The following RUFY1 variants were observed in gnomAD, a reference collection of about 807,000 sequenced individuals.
The protein encoded by RUFY1 is RUN and FYVE domain containing 1.
In RUFY1, 54 loss-of-function variants were observed where a neutral mutation model predicts 94.6. That is an observed-to-expected ratio of 0.57 (90% CI 0.46 to 0.72). The LOEUF is 0.72. Ranked by LOEUF, RUFY1 falls within the 30% of genes least tolerant of loss-of-function variation. RUFY1 has a pLI of 0.00. For missense variants in RUFY1, 883 were observed against 883.9 expected (o/e 1.00, Z 0.01); for synonymous variants, 396 against 347.3 (o/e 1.14, Z -1.56).
chr5:179,562,356 G>A (rs1040012323), intron 2 of RUFY1, among the ~76,000 whole-genome samples, 191 bp from the exon 3 acceptor site: 10 of 152,100 alleles, frequency 6.6e-5, no homozygotes, highest in African/African-American at 2.2e-4. Context: ...GTAGTGAGCT[G>A]AGATTGCACA....
intron 8 of RUFY1, among the ~76,000 whole-genome samples, chr5:179,586,723 G>T (rs527573486): frequency 6.6e-6 from 1 of 152,104 alleles, no homozygotes; most frequent in African/African-American, 2.4e-5. Flanking sequence ...AATTCAAGAC[G>T]GTGTCACAGA....
At chr5:179,559,260 C>G (rs6601050) in intron 1 of RUFY1, among the ~76,000 whole-genome samples, 92,822 of 152,146 alleles carry the variant, frequency 0.61, 28,739 homozygotes, top group African/African-American at 0.63. Context: ...GATAATTGCA[C>G]ACAGTCTTTA....
intron 7 of RUFY1, among the ~76,000 whole-genome samples, chr5:179,583,611 T>C (rs1764348743): frequency 6.6e-6 from 1 of 150,886 alleles, no homozygotes; most frequent in African/African-American, 2.4e-5. Flanking sequence ...AGAAACTGGG[T>C]TTCACTGTGT....
intron 6 of RUFY1, among the ~76,000 whole-genome samples, chr5:179,580,206 C>CGTGTGTGTGT (rs71591429): frequency 0.015 from 1,892 of 127,422 alleles, 20 homozygotes; most frequent in Middle Eastern, 0.028. Context: ...CAAAAAATTC[C>CGTGTGTGTGT]GTGTGTGTGT....
intron 3 of RUFY1, among the ~76,000 whole-genome samples, chr5:179,565,010 A>G (rs536280868): frequency 6.6e-6 from 1 of 150,470 alleles, no homozygotes; most frequent in African/African-American, 2.4e-5. Context: ...AAGAGAGAGA[A>G]AAATAATTTA....
intron 3 of RUFY1, among the ~76,000 whole-genome samples, chr5:179,563,251 C>A (rs1762580202): frequency 6.6e-6 from 1 of 152,130 alleles, no homozygotes; most frequent in Non-Finnish European, 1.5e-5. Flanking sequence ...TTTATTTGAC[C>A]CTTCTCCTAG....
At position 179,603,200 on chromosome 5, in the gene RUFY1, G is replaced by A. The variant is rs185835879; in HGVS notation, c.1856+1214G>A. On this transcript the variant is annotated intron_variant, in intron 15 of 17. Transcript: ENST00000319449. ...GCATCGCTTGAACCCGGGAGGCAGAGGTTGCAGTAAGCCGAGATTGCACCA... is the reference window on the plus strand; with the variant it reads ...GCATCGCTTGAACCCGGGAGGCAGAAGTTGCAGTAAGCCGAGATTGCACCA... Among the ~76,000 whole-genome samples the A allele has an allele frequency of 5.5e-3, 831 of 152,030 alleles. 10 individuals carry two copies. The highest frequency in any genetic ancestry group is 0.018 in the African/African-American group (747 of 41,470).
rs770444324 is a variant in RUFY1, at chr5:179,593,519, C to T, written c.1287C>T (p.Thr429=). ...KELELQIGMK[T]EMEIAMKLLE... ...TGGAGTTACAAATTGGAATGAAAAC[C>T]GAAATGGAAATTGCAATGAAGTTAC... The change falls in exon 11 of 18, where the codon ACC becomes ACT. Residue 429 remains threonine, a synonymous_variant. Coordinates refer to ENST00000319449, the MANE Select transcript of RUFY1 (RefSeq NM_025158.5). The T allele has an allele frequency of 3.9e-5, 63 of 1,611,842 alleles. No individual in the cohort carries two copies. The Admixed American group carries it at 9.0e-4, about 23-fold the overall frequency.
Position 179,568,910 on chromosome 5 carries a change from T to A in RUFY1, c.705-392T>A, listed in dbSNP as rs1245318163. 1.2e-5 allele frequency: 5 copies of A among 401,218 alleles called. No homozygotes were observed. The South Asian group carries it at 3.1e-4, about 25-fold the overall frequency. The allele number at this position is 401,218 out of a possible 1,614,324, so 24.9% of individuals were successfully genotyped here. A position where few individuals can be genotyped will look rare whatever the true frequency, so the allele number is the denominator to read the frequency against. On this transcript the variant is annotated intron_variant, in intron 4 of 17. Coordinates refer to ENST00000319449, the MANE Select transcript of RUFY1 (RefSeq NM_025158.5). ...CCGTGGGACGCAAGAAGGAGGAGTG[T>A]TATTCTTGGATGTGGGATCCCATTT...
At chr5:179,592,247 G>A (rs554918890) in intron 10 of RUFY1, among the ~76,000 whole-genome samples, 12 of 152,246 alleles carry the variant, frequency 7.9e-5, no homozygotes, top group Non-Finnish European at 1.5e-4. Context: ...AGCCTCCAGA[G>A]TAGCTGGGAC....
At chr5:179,606,280 A>G in intron 16 of RUFY1, 1 of 304,814 alleles carries the variant, frequency 3.3e-6, no homozygotes, top group East Asian at 1.0e-4. Flanking sequence ...GAGGGGCCAG[A>G]GGCCAGCCAG....
chr5:179,565,164 CTTTTTTTTTTTTTTTTT>C (rs138223106), intron 3 of RUFY1, among the ~76,000 whole-genome samples: 2 of 71,926 alleles, frequency 2.8e-5, no homozygotes, highest in East Asian at 1.0e-3. Flanking sequence ...TCTAGGTTTT[CTTTTTTTTTTTTTTTTT>C]TTTTTTTTTT....
At chr5:179,583,716 C>T (rs1764363458) in intron 7 of RUFY1, among the ~76,000 whole-genome samples, 1 of 141,240 alleles carries the variant, frequency 7.1e-6, no homozygotes, top group African/African-American at 2.6e-5. Context: ...TGTGCCCGGC[C>T]AGTCATTTAT....
intron 15 of RUFY1, among the ~76,000 whole-genome samples, chr5:179,604,320 A>C (rs932957096): frequency 6.6e-6 from 1 of 152,184 alleles, no homozygotes; most frequent in African/African-American, 2.4e-5. Context: ...GCCCTACATT[A>C]GCTACAGGAA....
chr5:179,559,788 G>A (rs1347247202), intron 1 of RUFY1: 15 of 1,273,918 alleles, frequency 1.2e-5, no homozygotes, highest in South Asian at 6.7e-5. Context: ...AGAGGCCTCT[G>A]GAGCAGGAGG....
intron 2 of RUFY1, among the ~76,000 whole-genome samples, chr5:179,561,250 C>T (rs1214277422): frequency 6.6e-6 from 1 of 151,906 alleles, no homozygotes; most frequent in Non-Finnish European, 1.5e-5. Flanking sequence ...TTAATTAAAA[C>T]AGATGCAAAG....
intron 11 of RUFY1, 150 bp downstream of exon 11, chr5:179,593,795 A>T: frequency 7.8e-7 from 1 of 1,283,594 alleles, no homozygotes; most frequent in Non-Finnish European, 1.0e-6. Context: ...TTTGATCCTC[A>T]TGGCAGTCCC....
At position 179,585,660 on chromosome 5, in the gene RUFY1, TTC is replaced by T; in HGVS notation, c.957-132_957-131del. ...CAAATGTATATTTAGAATTCTCATC[TTC>T]TCTGAGTTAATTGGAGACCCTCTGC... On this transcript the variant is annotated intron_variant, in intron 7 of 17. Transcript: ENST00000319449. 3 of 640,518 alleles carry T rather than the reference TTC, an allele frequency of 4.7e-6. No homozygotes were observed. The South Asian group carries it at 5.8e-5, about 12-fold the overall frequency. The allele number at this position is 640,518 out of a possible 1,614,324, so 39.7% of individuals were successfully genotyped here. A position where few individuals can be genotyped will look rare whatever the true frequency, so the allele number is the denominator to read the frequency against.
intron 4 of RUFY1, 69 bp from the exon 5 acceptor site, chr5:179,569,233 A>G: frequency 5.6e-6 from 9 of 1,609,746 alleles, no homozygotes; most frequent in Non-Finnish European, 7.6e-6. Flanking sequence ...AAGGCAGTTC[A>G]GGGTGGGGAA....
Sources: allele counts gnomAD v4.1 joint callset (sites outside exome capture counted in the v4.1 genomes callset), GRCh38; gene constraint gnomAD v4.1.1; transcripts MANE v1.5; gene names NCBI Gene and HGNC (gene_info 2026-07-23, HGNC 2026-07-21).